CLMN: variants seen among roughly 807,000 people sequenced by gnomAD.
The protein encoded by CLMN is calmin (calponin-like, transmembrane).
A neutral mutation model predicts 92.7 loss-of-function variants in CLMN; 57 were observed. The observed-to-expected ratio is 0.61, with a 90% CI of 0.50 to 0.77. The LOEUF is 0.77. Among genes scored for constraint, CLMN ranks in the 30% least tolerant of loss-of-function variants. CLMN has a pLI of 0.00. For synonymous variants in CLMN, 466 were observed against 470.6 expected (o/e 0.99, Z 0.13); for missense variants, 1,158 against 1,237.5 (o/e 0.94, Z 0.96).
rs1009122129 is a variant in CLMN at position 95,294,039 on chromosome 14, A to C, written c.82+25672T>G. 3.4e-5 allele frequency among the ~76,000 whole-genome samples: 5 copies of C among 148,418 alleles called. No homozygotes were observed. The highest frequency in any genetic ancestry group is 1.2e-4 in the African/African-American group (5 of 40,304). On this transcript the variant is annotated intron_variant, in intron 1 of 12. Transcript: ENST00000298912. This position sits in a 1 kb window ranked among gnomAD's most constrained non-coding sequence, Gnocchi z 4.2. ...ACCAAAGAGGAGGAGGAGGAGGAGG[A>C]GGCCAGAAGTCTGGCTGGAGGGCTT...
intron 1 of CLMN, among the ~76,000 whole-genome samples, chr14:95,276,487 A>C (rs1899932907): frequency 6.6e-6 from 1 of 152,180 alleles, no homozygotes; most frequent in South Asian, 2.1e-4. Flanking sequence ...GATTGCTGGA[A>C]AAGATCCTTT....
chr14:95,246,409 C>T (rs760455700), intron 1 of CLMN, among the ~76,000 whole-genome samples: 60 of 152,178 alleles, frequency 3.9e-4, no homozygotes, highest in Non-Finnish European at 1.0e-4. Context: ...CTTAATGGGC[C>T]GTGGGGCTTC....
chr14:95,223,921 G>T, intron 2 of CLMN, 66 bp from the exon 3 acceptor site: 2 of 1,146,626 alleles, frequency 1.7e-6, no homozygotes, highest in Non-Finnish European at 2.6e-6. Context: ...CTATGTCAGA[G>T]ATGCAGCTTT....
intron 9 of CLMN, among the ~76,000 whole-genome samples, chr14:95,200,490 G>A (rs1896847057): frequency 6.6e-6 from 1 of 152,176 alleles, no homozygotes; most frequent in African/African-American, 2.4e-5. Context: ...GTCTTGCCCT[G>A]GATGCCCTGT....
intron 1 of CLMN, among the ~76,000 whole-genome samples, chr14:95,281,344 A>T (rs1054002707): frequency 7.4e-4 from 112 of 152,226 alleles, no homozygotes; most frequent in African/African-American, 2.6e-3. Context: ...CATTATACAG[A>T]TCATCAGGCC....
rs936371220 is a variant in CLMN at position 95,203,077 on chromosome 14, C to T, written c.2272G>A (p.Glu758Lys). The T allele has an allele frequency of 4.6e-5, 74 of 1,613,920 alleles. No homozygotes were observed. The highest frequency in any genetic ancestry group is 1.6e-4 in the Middle Eastern group (1 of 6,080). The change falls in exon 9 of 13, where the codon GAA becomes AAA. Residue 758 changes from glutamate to lysine, a missense_variant. Transcript: ENST00000298912. ...EDLKNEEMDL[E>K]EPEGYMPDLD... The stretch of plus-strand genomic sequence containing the variant: ...TCTGGCATATAGCCCTCTGGCTCTT[C>T]GAGATCCATTTCTTCATTTTTTAGA...
chr14:95,193,787 G>A, intron 12 of CLMN, 62 bp downstream of exon 12: 1 of 1,598,476 alleles, frequency 6.3e-7, no homozygotes, highest in Non-Finnish European at 8.5e-7. Flanking sequence ...CTGTAAGGCA[G>A]GCTGCAGAAT....
chr14:95,307,967 AG>A (rs937254715), intron 1 of CLMN, among the ~76,000 whole-genome samples: 5 of 152,188 alleles, frequency 3.3e-5, no homozygotes, highest in Admixed American at 2.6e-4. Context: ...GGGGCCCCAG[AG>A]GTTTACGTCA....
chr14:95,277,854 T>C lies in CLMN; in HGVS notation c.82+41857A>G, dbSNP rs188517728. 9.2e-5 allele frequency among the ~76,000 whole-genome samples: 14 copies of C among 152,348 alleles called. No individual in the cohort carries two copies. In the Middle Eastern group the frequency reaches 0.02, roughly 222 times the overall value. ...ATTGGTCAGGCTGGTCTCGAACTCC[T>C]AACTTCAGGTCATCCACCTGCCTTG... On this transcript the variant is annotated intron_variant, in intron 1 of 12. Transcript: ENST00000298912.
At chr14:95,278,483 C>A (rs904675848) in intron 1 of CLMN, among the ~76,000 whole-genome samples, 2 of 152,018 alleles carry the variant, frequency 1.3e-5, no homozygotes, top group Admixed American at 1.3e-4. Context: ...CCCGAGACTC[C>A]TGGCAAAAAA....
At chr14:95,221,653 A>T (rs1419353382) in intron 4 of CLMN, 38 bp downstream of exon 4, 1 of 1,566,836 alleles carries the variant, frequency 6.4e-7, no homozygotes, top group African/African-American at 1.4e-5. Flanking sequence ...TCCTAACAGG[A>T]CAAGCTTGTG....
intron 1 of CLMN, among the ~76,000 whole-genome samples, chr14:95,236,326 C>T (rs972584711): frequency 1.3e-5 from 2 of 152,220 alleles, no homozygotes; most frequent in South Asian, 2.1e-4. Flanking sequence ...TCCAAACCCC[C>T]CTCCAGGAAC....
chr14:95,242,250 CTTTTT>C (rs371417505), intron 1 of CLMN, among the ~76,000 whole-genome samples: 2 of 92,582 alleles, frequency 2.2e-5, no homozygotes, highest in Admixed American at 1.3e-4. Flanking sequence ...TTTTCTTTTT[CTTTTT>C]TTTTTTTTTT....
chr14:95,300,058 C>A (rs1016504935), intron 1 of CLMN, among the ~76,000 whole-genome samples: 3 of 152,238 alleles, frequency 2.0e-5, no homozygotes, highest in Non-Finnish European at 4.4e-5. Context: ...GAGCGAGACG[C>A]TCAATCAGGA....
At chr14:95,310,365 T>C (rs1901481067) in intron 1 of CLMN, among the ~76,000 whole-genome samples, 1 of 152,240 alleles carries the variant, frequency 6.6e-6, no homozygotes, top group African/African-American at 2.4e-5. Flanking sequence ...TCACATCTCC[T>C]GTCTCCCTCT....
chr14:95,208,208 A>C (rs1897098621), intron 8 of CLMN, among the ~76,000 whole-genome samples: 1 of 152,182 alleles, frequency 6.6e-6, no homozygotes, highest in Non-Finnish European at 1.5e-5. Context: ...TGTTTCCGTT[A>C]CTAGAACAAC....
At chr14:95,261,141 G>C (rs921168282) in intron 1 of CLMN, among the ~76,000 whole-genome samples, 1 of 150,186 alleles carries the variant, frequency 6.7e-6, no homozygotes, top group Non-Finnish European at 1.5e-5. Context: ...TCCGGACTCT[G>C]ACTGGGGGCT....
chr14:95,224,042 A>C (rs1897633403), intron 2 of CLMN, among the ~76,000 whole-genome samples, 187 bp from the exon 3 acceptor site: 2 of 152,244 alleles, frequency 1.3e-5, no homozygotes, highest in Non-Finnish European at 2.9e-5. Flanking sequence ...AGCGGTGCAC[A>C]GCCACAACTT....
intron 1 of CLMN, among the ~76,000 whole-genome samples, chr14:95,297,198 A>G (rs1900842825): frequency 6.6e-6 from 1 of 152,160 alleles, no homozygotes; most frequent in African/African-American, 2.4e-5. Flanking sequence ...TTTAGGAGGA[A>G]GGGATTTCAA....
Sources: gnomAD v4.1 joint callset for allele counts (sites outside exome capture counted in the v4.1 genomes callset) on GRCh38, gnomAD v4.1.1 for gene constraint, Gnocchi (gnomAD v3.1) non-coding constraint, MANE v1.5 for transcripts, NCBI Gene and HGNC (gene_info 2026-07-23, HGNC 2026-07-21) for gene names.